The following RASAL1 variants were observed in gnomAD, a reference collection of about 807,000 sequenced individuals.
RASAL1 encodes RAS protein activator like 1.
A neutral mutation model predicts 96.6 loss-of-function variants in RASAL1; 72 were observed. The ratio of observed to expected loss-of-function variants is 0.75; its 90% CI spans 0.62 to 0.91. The LOEUF (loss-of-function observed/expected upper bound fraction) is 0.91, where lower values mean the gene tolerates loss of function less well. Ranked by LOEUF, RASAL1 falls within the 40% of genes least tolerant of loss-of-function variation. RASAL1 has a pLI of 0.00. For missense variants in RASAL1, 1,016 were observed against 1,072.5 expected (o/e 0.95, Z 0.74); for synonymous variants, 405 against 430.4 (o/e 0.94, Z 0.73).
At chr12:113,134,317 G>A (rs1253961325) in intron 1 of RASAL1, among the ~76,000 whole-genome samples, 1 of 152,146 alleles carries the variant, frequency 6.6e-6, no homozygotes, top group East Asian at 1.9e-4. Flanking sequence ...CATAAAATCA[G>A]GCAGGAAAGT....
At chr12:113,121,007 T>C (rs532709313) in intron 5 of RASAL1, among the ~76,000 whole-genome samples, 2 of 152,074 alleles carry the variant, frequency 1.3e-5, no homozygotes, top group African/African-American at 4.8e-5. Flanking sequence ...TCTGTTGGAG[T>C]GGCTAAGCTG....
chr12:113,112,723 G>T (rs1950915718), intron 12 of RASAL1, among the ~76,000 whole-genome samples: 1 of 152,060 alleles, frequency 6.6e-6, no homozygotes, highest in Non-Finnish European at 1.5e-5. Flanking sequence ...AGGCCGAGGG[G>T]GCAGGTCACT....
rs1951051459 is a variant in RASAL1, at chr12:113,115,703, A to G, written c.935T>C (p.Leu312Pro). Residue 312 changes from leucine (L) to proline (P), a missense_variant, in exon 10 of 21, where the codon CTC becomes CCC. Transcript: ENST00000548055. The surrounding 1 kb of genome is among the most constrained non-coding windows in gnomAD (Gnocchi z 4.1). Reference sequence around the variant, plus strand: ...CCCAGCCAGTCCCCGGCCAAGAAAGAGTTTCACCAGCTTGGTGGCAAGGTC... The same window carrying G: ...CCCAGCCAGTCCCCGGCCAAGAAAGGGTTTCACCAGCTTGGTGGCAAGGTC... ...RQDLATKLVK[L>P]FLGRGLAGRF... The G allele has an allele frequency of 2.5e-6, 4 of 1,613,896 alleles. No individual in the cohort carries two copies. The highest frequency in any genetic ancestry group is 1.3e-5 in the African/African-American group (1 of 74,948).
chr12:113,100,630 G>C lies in RASAL1; in HGVS notation c.2276C>G (p.Thr759Arg). 1 of 1,609,076 alleles carries C rather than the reference G, an allele frequency of 6.2e-7. No individual in the cohort carries two copies. Among genetic ancestry groups the C allele is most frequent in the South Asian group, 1.1e-5 (1 of 91,010 alleles). Residue 759 changes from threonine (T) to arginine (R), a missense_variant and splice_region_variant, in exon 20 of 21, where the codon ACA becomes AGA. Thr to Arg is a moderately conservative substitution (Grantham distance 71). Transcript: ENST00000548055. ...TTCTGAGGTACAGGAGCCCTTACCT[G>C]TGTCTGCCTCCAGAGTTGTATCCAT... Reference protein sequence around the residue: ...SNMDTTLEADTGACPEVLARQ... With the variant: ...SNMDTTLEADRGACPEVLARQ...
At position 113,114,779 on chromosome 12, in the gene RASAL1, G is replaced by C. The variant is rs370733523; in HGVS notation, c.1181+21C>G. ...GCCAAAGGGGCCCGTCGGAAGGTCA[G>C]GGTCCTCAGGCTTTGCTCACCGGGT... On this transcript the variant is annotated intron_variant, in intron 12 of 20. Transcript: ENST00000548055. 3 of 1,601,568 alleles carry C rather than the reference G, an allele frequency of 1.9e-6. No individual in the cohort carries two copies. In the African/African-American group the frequency reaches 4.0e-5, roughly 21 times the overall value.
intron 1 of RASAL1, among the ~76,000 whole-genome samples, chr12:113,131,247 T>TG (rs377751569): frequency 0.044 from 851 of 19,556 alleles, 4 homozygotes; most frequent in South Asian, 0.063. Context: ...AGAGCGTGTG[T>TG]GGGGGGGGTG....
At chr12:113,102,820 C>T (rs904857474) in intron 18 of RASAL1, 1 of 154,386 alleles carries the variant, frequency 6.5e-6, no homozygotes, top group African/African-American at 2.4e-5. Flanking sequence ...AGCCTCGCCT[C>T]TCCCGGTACT....
intron 4 of RASAL1, among the ~76,000 whole-genome samples, chr12:113,123,061 A>C (rs1951353524): frequency 6.6e-6 from 1 of 152,216 alleles, no homozygotes; most frequent in South Asian, 2.1e-4. Flanking sequence ...TTATTTTGAC[A>C]ATTATACTTA....
Position 113,119,445 on chromosome 12 carries a change from TG to T in RASAL1, c.429-3del. The T allele has an allele frequency of 6.3e-7, 1 of 1,599,900 alleles. No homozygotes were observed. Among genetic ancestry groups the T allele is most frequent in the Non-Finnish European group, 8.5e-7 (1 of 1,171,592 alleles). Reference sequence around the variant, plus strand: ...GAGATGTCTCTGGGAGCCAGGTCCCTGGGAACAGATGGGGAAAGGAGTGAGG... The same window carrying T: ...GAGATGTCTCTGGGAGCCAGGTCCCTGGAACAGATGGGGAAAGGAGTGAGG... On this transcript the variant is annotated splice_region_variant and splice_polypyrimidine_tract_variant and intron_variant, in intron 5 of 20. Transcript: ENST00000548055.
chr12:113,100,047 G>T lies in RASAL1; in HGVS notation c.2300C>A (p.Ala767Asp). 2 of 1,611,602 alleles carry T rather than the reference G, an allele frequency of 1.2e-6. No individual in the cohort carries two copies. Among genetic ancestry groups the T allele is most frequent in the East Asian group, 2.2e-5 (1 of 44,826 alleles). ...GCGGGCAGTTGCTGCTCTTTGCCGG[G>T]CCAGGACCTCAGGACAGGCCCCTAG... ...ADTGACPEVLARQRAATARLL... is the reference protein window; with the variant it reads ...ADTGACPEVLDRQRAATARLL... Residue 767 changes from alanine to aspartate, a missense_variant, in exon 21 of 21, where the codon GCC becomes GAC. Transcript: ENST00000548055.
Position 113,112,174 on chromosome 12 carries a change from G to C in RASAL1, c.1286C>G (p.Ser429Cys), listed in dbSNP as rs1190921935. The change falls in exon 13 of 21, where the codon TCC becomes TGC. Residue 429 changes from serine (S) to cysteine (C), a missense_variant. Physicochemically the swap from Ser to Cys is moderately radical, Grantham distance 112. Transcript: ENST00000548055. ...LGPIVDAIVG[S>C]VGRCPPAMRL... ...CATGGCGGGCGGGCAGCGCCCCACG[G>C]AGCCCACGATGGCGTCCACGATGGG... 1 of 1,256,090 alleles carries C rather than the reference G, an allele frequency of 8.0e-7. No homozygotes were observed. Among genetic ancestry groups the C allele is most frequent in the African/African-American group, 1.5e-5 (1 of 64,568 alleles). The allele number at this position is 1,256,090 out of a possible 1,614,324, so 77.8% of individuals were successfully genotyped here.
At chr12:113,111,513 T>C (rs1421402988) in intron 13 of RASAL1, among the ~76,000 whole-genome samples, 2 of 152,154 alleles carry the variant, frequency 1.3e-5, no homozygotes, top group South Asian at 2.1e-4. Context: ...GGGTAATAAA[T>C]ACATAAATCA....
At chr12:113,120,767 C>T (rs1331028120) in intron 5 of RASAL1, among the ~76,000 whole-genome samples, 1 of 152,144 alleles carries the variant, frequency 6.6e-6, no homozygotes, top group Non-Finnish European at 1.5e-5. Flanking sequence ...TTGCATCCAT[C>T]TTCCATCTGA....
intron 12 of RASAL1, among the ~76,000 whole-genome samples, chr12:113,114,075 T>A (rs890305287): frequency 1.3e-5 from 2 of 152,230 alleles, no homozygotes; most frequent in African/African-American, 4.8e-5. Flanking sequence ...GCCCCACGTT[T>A]CAGGTGATAA....
chr12:113,120,856 G>T (rs1287271626), intron 5 of RASAL1, among the ~76,000 whole-genome samples: 2 of 152,074 alleles, frequency 1.3e-5, no homozygotes, highest in African/African-American at 4.8e-5. Flanking sequence ...CCCTCCCTCC[G>T]CTCCAGTAAT....
In RASAL1 at chr12:113,119,392, C is replaced by G; in HGVS notation, c.480G>C (p.Val160=). 6.2e-7 allele frequency: 1 copy of G among 1,612,148 alleles called. No individual in the cohort carries two copies. Residue 160 remains valine, a synonymous_variant, in exon 6 of 21, where the codon GTG becomes GTC. Coordinates refer to ENST00000548055, the MANE Select transcript of RASAL1 (RefSeq NM_001301202.2). ...TCTCCAAGCTCTGGCTGCCCCAAAA[C>G]ACACGTGCAAATGGGTCAGATGTGC... ...ISGTSDPFAR[V]FWGSQSLETS...
chr12:113,107,998 C>A, intron 14 of RASAL1, 87 bp downstream of exon 14: 1 of 1,454,468 alleles, frequency 6.9e-7, no homozygotes, highest in South Asian at 1.5e-5. Context: ...TTTGGGTCTT[C>A]TGTGGGTCTG....
At chr12:113,103,442 C>T (rs1950531288) in intron 18 of RASAL1, among the ~76,000 whole-genome samples, 1 of 151,980 alleles carries the variant, frequency 6.6e-6, no homozygotes, top group Admixed American at 6.6e-5. Flanking sequence ...CCCGTCCCTA[C>T]TAAAAATACA....
Position 113,099,860 on chromosome 12 carries a change from C to T in RASAL1, c.*69G>A, listed in dbSNP as rs894621995. On this transcript the variant is annotated 3_prime_UTR_variant, in exon 21 of 21. Coordinates refer to ENST00000548055, the MANE Select transcript of RASAL1 (RefSeq NM_001301202.2). Reference sequence around the variant, plus strand: ...GAGGTCCAAGGAGACAGGAGACTCCCGGGGCAGGATGCGCTGAAGAGGGCC... The same window carrying T: ...GAGGTCCAAGGAGACAGGAGACTCCTGGGGCAGGATGCGCTGAAGAGGGCC... The T allele has an allele frequency of 4.3e-5, 66 of 1,545,320 alleles. No homozygotes were observed. The highest frequency in any genetic ancestry group is 9.6e-5 in the African/African-American group (7 of 72,972).
Sources: gnomAD v4.1 joint callset for allele counts (sites outside exome capture counted in the v4.1 genomes callset) on GRCh38, gnomAD v4.1.1 for gene constraint, Gnocchi (gnomAD v3.1) non-coding constraint, MANE v1.5 for transcripts, NCBI Gene and HGNC (gene_info 2026-07-23, HGNC 2026-07-21) for gene names.